MAP3K12: variants seen among roughly 807,000 people sequenced by gnomAD.
The protein encoded by MAP3K12 is MAPK-upstream kinase.
MAP3K12 carries 14 observed loss-of-function variants against 87.5 expected under a neutral mutation model. That is an observed-to-expected ratio of 0.16 (90% CI 0.11 to 0.25). The LOEUF is 0.25. Ranked by LOEUF, MAP3K12 falls within the 10% of genes least tolerant of loss-of-function variation. MAP3K12 has a pLI of 1.00. For missense variants in MAP3K12, 802 were observed against 1,140.4 expected, an observed-to-expected ratio of 0.70 and a Z score of 4.27; for synonymous variants, 469 against 452.5, an observed-to-expected ratio of 1.04 and a Z score of -0.46.
intron 1 of MAP3K12, among the ~76,000 whole-genome samples, chr12:53,490,831 A>T (rs1187097667): frequency 6.6e-6 from 1 of 151,994 alleles, no homozygotes; most frequent in African/African-American, 2.4e-5. Context: ...GGATACCTTG[A>T]GCCTGGGAGG....
intron 13 of MAP3K12, 79 bp downstream of exon 13, chr12:53,481,862 C>A: frequency 5.2e-6 from 8 of 1,539,698 alleles, no homozygotes; most frequent in Non-Finnish European, 7.1e-6. Context: ...AGCTGTCTCC[C>A]CAAAAGCTGT....
At chr12:53,501,380 C>T (rs1943693893), upstream of MAP3K12, 3 of 1,555,208 alleles carry the variant, frequency 1.9e-6, no homozygotes, top group Non-Finnish European at 2.6e-6. Flanking sequence ...GCTGCAGTCA[C>T]GGTGGCGCCC....
intron 12 of MAP3K12, 27 bp downstream of exon 12, chr12:53,482,272 A>C (rs780777158): frequency 1.9e-6 from 3 of 1,613,968 alleles, no homozygotes; most frequent in Admixed American, 3.3e-5. Flanking sequence ...CAAGAATGCC[A>C]TTAATTCTTG....
rs1004365935 is a variant in MAP3K12 at position 53,487,393 on chromosome 12, G to A, written c.-2C>T. 6.2e-7 allele frequency: 1 copy of A among 1,605,086 alleles called. No homozygotes were observed. The highest frequency in any genetic ancestry group is 1.3e-5 in the African/African-American group (1 of 74,688). ...TCGGGTCTCATGGAGGCAAGCCATC[G>A]CCTCTGGCCCCTGGTATGATGGTGA... On this transcript the variant is annotated 5_prime_UTR_variant, in exon 2 of 14. Transcript: ENST00000547488.
In MAP3K12 at chr12:53,483,398, G is replaced by A. The variant is rs1565884891; in HGVS notation, c.1564C>T (p.Leu522Phe). 2 of 1,614,162 alleles carry A rather than the reference G, an allele frequency of 1.2e-6. No homozygotes were observed. Among genetic ancestry groups the A allele is most frequent in the South Asian group, 2.2e-5 (2 of 91,088 alleles). The change falls in exon 10 of 14, where the codon CTT (leucine) becomes TTT (phenylalanine). Residue 522 changes from leucine (L) to phenylalanine (F), a missense_variant. Around this residue, in one of 5 missense-constraint regions of MAP3K12, gnomAD observed 490 missense variants for 496.6 expected, o/e 0.99. Transcript: ENST00000547488. Reference protein sequence around the residue: ...GLLHGNTMEKLIKKRNVPQKL... With the variant: ...GLLHGNTMEKFIKKRNVPQKL... ...TGTGGCACATTCCTCTTCTTGATAA[G>A]CTTCTCCATTGTGTTTCCATGCAGG...
At position 53,482,920 on chromosome 12, in the gene MAP3K12, CGGAG is replaced by C; in HGVS notation, c.1879_1882del (p.Leu627ValfsTer24). 1 of 1,609,492 alleles carries C rather than the reference CGGAG, an allele frequency of 6.2e-7. No homozygotes were observed. Among genetic ancestry groups the C allele is most frequent in the Non-Finnish European group, 8.5e-7 (1 of 1,179,658 alleles). On this transcript the variant is annotated frameshift_variant, in exon 11 of 14. Transcript: ENST00000547488. LOFTEE classifies it high-confidence loss of function. ...GAGCAGGAGGTCATGATGAAGCCCA[CGGAG>C]GGCGGGAGGGCAGGCCTCCCAGGCT...
intron 1 of MAP3K12, among the ~76,000 whole-genome samples, chr12:53,488,932 T>C (rs147454473): frequency 2.0e-5 from 3 of 148,074 alleles, no homozygotes; most frequent in Admixed American, 1.4e-4. Context: ...AAGAAAAAAT[T>C]AGCTGGGCGT....
At chr12:53,501,133 C>T (rs1943681359), upstream of MAP3K12, 1 of 541,546 alleles carries the variant, frequency 1.8e-6, no homozygotes, top group Non-Finnish European at 3.3e-6. Flanking sequence ...AAAATACGGC[C>T]TTCTCGAGAA....
upstream of MAP3K12, chr12:53,499,951 G>C (rs1565895720): frequency 6.6e-6 from 1 of 152,328 alleles, no homozygotes; most frequent in Non-Finnish European, 1.5e-5. Flanking sequence ...TAGCGCTCTG[G>C]CATTGCTCCC....
chr12:53,493,932 G>A (rs1943484156), intron 1 of MAP3K12: 1 of 152,326 alleles, frequency 6.6e-6, no homozygotes, highest in African/African-American at 2.4e-5. Context: ...GAAGAAGTAG[G>A]AGATGGGACC....
chr12:53,501,290 C>T, upstream of MAP3K12: 2 of 1,125,992 alleles, frequency 1.8e-6, no homozygotes, highest in East Asian at 2.6e-5. Context: ...CCCAGCGTGC[C>T]CCGCGGCGGG....
chr12:53,483,854 A>G (rs1334149213), intron 8 of MAP3K12, 57 bp downstream of exon 8: 3 of 1,610,498 alleles, frequency 1.9e-6, no homozygotes, highest in Non-Finnish European at 2.5e-6. Flanking sequence ...GTAGGAGCTG[A>G]CTGGGTGCAT....
chr12:53,491,301 A>AAAAAAAAAAAAAAAAAAAAAAAAG (rs796169121), intron 1 of MAP3K12, among the ~76,000 whole-genome samples: 12 of 101,556 alleles, frequency 1.2e-4, no homozygotes, highest in African/African-American at 3.0e-4. Flanking sequence ...AAAAAAAAAA[A>AAAAAAAAAAAAAAAAAAAAAAAAG]AAAAGAAAAG....
chr12:53,492,713 T>C (rs1463157112), intron 1 of MAP3K12, among the ~76,000 whole-genome samples: 2 of 151,944 alleles, frequency 1.3e-5, no homozygotes, highest in Non-Finnish European at 2.9e-5. Flanking sequence ...GAGAATTTCG[T>C]CTGGAGGACC....
At chr12:53,481,879 A>G in intron 13 of MAP3K12, 62 bp downstream of exon 13, 3 of 1,565,664 alleles carry the variant, frequency 1.9e-6, no homozygotes, top group Non-Finnish European at 2.6e-6. Context: ...CTGTTAAAAG[A>G]CAAGGCATCT....
rs758245904 is a variant in MAP3K12 at position 53,486,890 on chromosome 12, C to G, written c.445+57G>C. On this transcript the variant is annotated intron_variant, in intron 2 of 13. Coordinates refer to ENST00000547488, the MANE Select transcript of MAP3K12 (RefSeq NM_001193511.2). The surrounding 1 kb of genome is among the most constrained non-coding windows in gnomAD (Gnocchi z 4.9). ...ATTGCGTGACTTTAGCGGAGCTGAC[C>G]AACAGATCTCGGGCTCAGGGAAACA... 554 of 1,595,496 alleles carry G rather than the reference C, an allele frequency of 3.5e-4. 1 individual carries two copies. The highest frequency in any genetic ancestry group is 2.4e-3 in the East Asian group (107 of 44,642).
In MAP3K12 at chr12:53,482,025, T is replaced by C. The variant is rs759953291; in HGVS notation, c.2496A>G (p.Pro832=). Residue 832 remains proline, a synonymous_variant, in exon 13 of 14, where the codon CCA becomes CCG. Coordinates refer to ENST00000547488, the MANE Select transcript of MAP3K12 (RefSeq NM_001193511.2). ...TGACCTCTGAAGGAGGTGGGTCCAG[T>C]GGGATTTCTGAGCCCTGGGAGCACA... ...DDMCSQGSEI[P]LDPPPSEVIP... is the part of the protein sequence containing the mutation. 5 of 1,613,998 alleles carry C rather than the reference T, an allele frequency of 3.1e-6. No individual in the cohort carries two copies. The highest frequency in any genetic ancestry group is 4.2e-6 in the Non-Finnish European group (5 of 1,180,038).
At chr12:53,489,503 G>A (rs539584464) in intron 1 of MAP3K12, among the ~76,000 whole-genome samples, 7 of 152,284 alleles carry the variant, frequency 4.6e-5, no homozygotes, top group Non-Finnish European at 7.4e-5. Flanking sequence ...CAGGCGCCAT[G>A]CTGGTCTCCC....
At chr12:53,484,810 T>C in intron 6 of MAP3K12, 1 of 556,134 alleles carries the variant, frequency 1.8e-6, no homozygotes, top group South Asian at 2.0e-5. Context: ...ATGCACTCAC[T>C]GGCACTTCAT....
Sources: allele counts gnomAD v4.1 joint callset (sites outside exome capture counted in the v4.1 genomes callset), GRCh38; gene constraint gnomAD v4.1.1; regional missense constraint gnomAD v4.1.1; non-coding constraint Gnocchi (gnomAD v3.1); transcripts MANE v1.5; gene names NCBI Gene and HGNC (gene_info 2026-07-23, HGNC 2026-07-21).